Variants in CIDEA observed in about 807,000 individuals in gnomAD.
The protein encoded by CIDEA is lipid transferase CIDEA.
In CIDEA, 10 loss-of-function variants were observed where a neutral mutation model predicts 18.2. That is an observed-to-expected ratio of 0.55 (90% CI 0.34 to 0.93). The LOEUF is 0.93. Among genes scored for constraint, CIDEA ranks in the 40% least tolerant of loss-of-function variants. CIDEA has a pLI of 0.02. For missense variants in CIDEA, 309 were observed against 293.1 expected, an observed-to-expected ratio of 1.05 and a Z score of -0.40; for synonymous variants, 128 against 124.8, an observed-to-expected ratio of 1.03 and a Z score of -0.17.
At chr18:12,255,611 G>A (rs1224501302) in intron 1 of CIDEA, among the ~76,000 whole-genome samples, 1 of 152,134 alleles carries the variant, frequency 6.6e-6, no homozygotes, top group East Asian at 1.9e-4. Context: ...CTTCCAGGAG[G>A]GGAGGTCTTA....
At chr18:12,255,133 T>C (rs1911993627) in intron 1 of CIDEA, among the ~76,000 whole-genome samples, 1 of 152,240 alleles carries the variant, frequency 6.6e-6, no homozygotes, top group Admixed American at 6.5e-5. Flanking sequence ...TTAATATTCA[T>C]ATCCCAACAG....
At chr18:12,268,230 ATTT>A (rs1285349657) in intron 3 of CIDEA, among the ~76,000 whole-genome samples, 5 of 114,666 alleles carry the variant, frequency 4.4e-5, no homozygotes, top group African/African-American at 1.8e-4. Context: ...ATGCCCGGCC[ATTT>A]TTTTTTTTTT....
intron 3 of CIDEA, 125 bp downstream of exon 3, chr18:12,264,578 G>C (rs957913024): frequency 9.4e-6 from 7 of 744,286 alleles, no homozygotes; most frequent in African/African-American, 5.5e-5. Flanking sequence ...TTTTGAGACG[G>C]AGTCTCGCTC....
chr18:12,277,067 G>T (rs1285978260), intron 4 of CIDEA, 56 bp from the exon 5 acceptor site: 1 of 1,603,012 alleles, frequency 6.2e-7, no homozygotes. Flanking sequence ...CATCCTGTCT[G>T]TTTCTCACTG....
intron 1 of CIDEA, among the ~76,000 whole-genome samples, chr18:12,260,964 C>A (rs1912173567): frequency 6.6e-6 from 1 of 152,180 alleles, no homozygotes; most frequent in Non-Finnish European, 1.5e-5. Flanking sequence ...TCTGTGGGGG[C>A]ATGGGGATTC....
chr18:12,270,650 G>A (rs1912486068), intron 3 of CIDEA, among the ~76,000 whole-genome samples: 2 of 127,548 alleles, frequency 1.6e-5, no homozygotes, highest in African/African-American at 6.3e-5. Context: ...TAGCACCAAT[G>A]CACTCCAGCC....
intron 1 of CIDEA, chr18:12,255,105 G>A (rs1219433706): frequency 5.4e-6 from 2 of 370,614 alleles, no homozygotes; most frequent in South Asian, 2.7e-5. Context: ...GGCAGCATTG[G>A]CTATTTTCCT....
rs68102741 is a variant in CIDEA at position 12,270,688 on chromosome 18, C to CAAAAAAAAAAAAAAAA, written c.331-3392_331-3377dup. Among the ~76,000 whole-genome samples, 41 of 72,802 alleles carry CAAAAAAAAAAAAAAAA rather than the reference C, an allele frequency of 5.6e-4. 4 individuals are homozygous for CAAAAAAAAAAAAAAAA. The highest frequency in any genetic ancestry group is 9.4e-3 in the Middle Eastern group (1 of 106). 47.8% of individuals were successfully genotyped at this position (72,802 alleles called of 152,430 possible). A position where few individuals can be genotyped will look rare whatever the true frequency, so the allele number is the denominator to read the frequency against. On this transcript the variant is annotated intron_variant, in intron 3 of 4. Coordinates refer to ENST00000320477, the MANE Select transcript of CIDEA (RefSeq NM_001279.4). ...GGCGACAGAGCAAGACTCCGTCTCA[C>CAAAAAAAAAAAAAAAA]AAAAAAAAAAAAAAAAAAAAAAAAA...
chr18:12,276,322 T>C (rs1905332415), intron 4 of CIDEA, among the ~76,000 whole-genome samples: 1 of 151,852 alleles, frequency 6.6e-6, no homozygotes, highest in Admixed American at 6.6e-5. Context: ...AAAGAGGGTC[T>C]CACACTGTCC....
intron 4 of CIDEA, among the ~76,000 whole-genome samples, chr18:12,275,188 T>C (rs1905290939): frequency 6.6e-6 from 1 of 152,170 alleles, no homozygotes; most frequent in East Asian, 1.9e-4. Context: ...CTGGGCGTGG[T>C]GGCGGATGCC....
In CIDEA at chr18:12,262,923, G is replaced by A; in HGVS notation, c.137G>A (p.Ser46Asn). ...PFRVSNHDRS[S>N]RRGVMASSLQ... ...CGGGTCTCCAACCATGACAGGAGCA[G>A]CCGGCGTGGGGTGATGGCAAGCAGC... Residue 46 changes from serine (S) to asparagine (N), a missense_variant, in exon 2 of 5, where the codon AGC becomes AAC. Ser to Asn is a conservative substitution (Grantham distance 46, BLOSUM62 1). Transcript: ENST00000320477. 1 of 1,614,178 alleles carries A rather than the reference G, an allele frequency of 6.2e-7. No homozygotes were observed. Among genetic ancestry groups the A allele is most frequent in the Non-Finnish European group, 8.5e-7 (1 of 1,180,032 alleles).
At position 12,277,462 on chromosome 18, in the gene CIDEA, G is replaced by T. The variant is rs1413401709; in HGVS notation, c.*192G>T. ...TGGGGGCAGTGGGCAGGGTGCCCTG[G>T]GGGGGAGGCATAGAGGGCCCTGGGG... On this transcript the variant is annotated 3_prime_UTR_variant, in exon 5 of 5. Coordinates refer to ENST00000320477, the MANE Select transcript of CIDEA (RefSeq NM_001279.4). The T allele has an allele frequency of 7.9e-6, 5 of 635,344 alleles. No homozygotes were observed. Among genetic ancestry groups the T allele is most frequent in the African/African-American group, 4.2e-5 (2 of 47,588 alleles). 39.4% of individuals were successfully genotyped at this position (635,344 alleles called of 1,614,324 possible).
At chr18:12,272,972 T>C (rs1367361149) in intron 3 of CIDEA, among the ~76,000 whole-genome samples, 1 of 152,232 alleles carries the variant, frequency 6.6e-6, no homozygotes, top group African/African-American at 2.4e-5. Context: ...CTGATATTTG[T>C]ACCTTGGGGC....
chr18:12,277,411 A>T lies in CIDEA; in HGVS notation c.*141A>T. The T allele has an allele frequency of 1.1e-6, 1 of 919,170 alleles. No individual in the cohort carries two copies. The highest frequency in any genetic ancestry group is 1.6e-6 in the Non-Finnish European group (1 of 624,000). The allele number at this position is 919,170 out of a possible 1,614,324, so 56.9% of individuals were successfully genotyped here. ...GCTGCTCAGGAGTGGTGCCCAGAAA[A>T]GGAAAGGGCTTGGTGGTACATGAAG... is the stretch of plus-strand genomic sequence containing the variant. On this transcript the variant is annotated 3_prime_UTR_variant, in exon 5 of 5. Transcript: ENST00000320477.
intron 2 of CIDEA, among the ~76,000 whole-genome samples, 161 bp downstream of exon 2, chr18:12,263,130 G>A (rs984490924): frequency 2.6e-5 from 4 of 152,218 alleles, no homozygotes; most frequent in Non-Finnish European, 5.9e-5. Context: ...GACTGCTGGT[G>A]GTTATGGAGT....
intron 3 of CIDEA, among the ~76,000 whole-genome samples, chr18:12,272,754 T>C (rs530707457): frequency 3.2e-4 from 43 of 135,292 alleles, no homozygotes; most frequent in African/African-American, 1.0e-3. Context: ...ATTTTCTTTT[T>C]CCTTCTTTTT....
At chr18:12,256,777 T>G (rs962960911) in intron 1 of CIDEA, among the ~76,000 whole-genome samples, 1 of 152,214 alleles carries the variant, frequency 6.6e-6, no homozygotes, top group Non-Finnish European at 1.5e-5. Context: ...TACAAGTCAA[T>G]CTCTCAGCTT....
intron 3 of CIDEA, among the ~76,000 whole-genome samples, chr18:12,269,802 A>T (rs1912462365): frequency 6.6e-6 from 1 of 151,928 alleles, no homozygotes; most frequent in Non-Finnish European, 1.5e-5. Flanking sequence ...GGCTCAAGGG[A>T]TCCTGCCACC....
intron 4 of CIDEA, among the ~76,000 whole-genome samples, chr18:12,274,718 C>T (rs960909804): frequency 1.3e-5 from 2 of 152,142 alleles, no homozygotes; most frequent in Non-Finnish European, 2.9e-5. Flanking sequence ...GTGGCATGGG[C>T]GTGTGTCCTC....
Sources: allele counts gnomAD v4.1 joint callset (sites outside exome capture counted in the v4.1 genomes callset), GRCh38; gene constraint gnomAD v4.1.1; transcripts MANE v1.5; gene names NCBI Gene and HGNC (gene_info 2026-07-23, HGNC 2026-07-21).